Variants in ASPH observed in about 807,000 individuals in gnomAD.
ASPH encodes the protein aspartyl/asparaginyl beta-hydroxylase.
ASPH carries 100 observed loss-of-function variants against 118.4 expected under a neutral mutation model. That is an observed-to-expected ratio of 0.84 (90% CI 0.72 to 1.00). The LOEUF (loss-of-function observed/expected upper bound fraction) is 1.00. ASPH is among the 50% of genes least tolerant of loss of function. The probability of loss-of-function intolerance (pLI) is 0.00; values close to 1 mark genes in which losing one functional copy is unlikely to be tolerated. For synonymous variants in ASPH, 315 were observed against 325.6 expected (o/e 0.97, Z 0.35); for missense variants, 920 against 919.5 (o/e 1.00, Z -0.01).
intron 22 of ASPH, among the ~76,000 whole-genome samples, chr8:61,521,492 G>A (rs1364973465): frequency 6.6e-6 from 1 of 152,168 alleles, no homozygotes; most frequent in Non-Finnish European, 1.5e-5. Flanking sequence ...CAGCTAACAA[G>A]CGGTGCATCC....
intron 3 of ASPH, among the ~76,000 whole-genome samples, chr8:61,679,835 G>C (rs1262115803): frequency 2.0e-5 from 3 of 149,248 alleles, no homozygotes; most frequent in Non-Finnish European, 4.5e-5. Flanking sequence ...CTCAAATATA[G>C]ATACACAATG....
At chr8:61,517,832 A>G (rs911038740) in intron 23 of ASPH, among the ~76,000 whole-genome samples, 171 bp from the exon 24 acceptor site, 2 of 152,136 alleles carry the variant, frequency 1.3e-5, no homozygotes, top group African/African-American at 4.8e-5. Flanking sequence ...AAGCACTCAC[A>G]TTTTCCACAA....
intron 22 of ASPH, among the ~76,000 whole-genome samples, chr8:61,519,353 A>T (rs1812106551): frequency 6.6e-6 from 1 of 152,156 alleles, no homozygotes; most frequent in African/African-American, 2.4e-5. Flanking sequence ...TCATCTGCAA[A>T]TTTTTTTCAG....
intron 1 of ASPH, among the ~76,000 whole-genome samples, chr8:61,704,722 T>G (rs1178071318): frequency 6.6e-6 from 1 of 152,104 alleles, no homozygotes; most frequent in Non-Finnish European, 1.5e-5. Context: ...CAAGAAAAAG[T>G]GCTTGACATC....
intron 21 of ASPH, among the ~76,000 whole-genome samples, chr8:61,545,292 C>T (rs1823421681): frequency 6.6e-6 from 1 of 152,190 alleles, no homozygotes; most frequent in African/African-American, 2.4e-5. Flanking sequence ...GCACCATCTA[C>T]AAACCAGGAA....
chr8:61,637,643 G>C (rs983513367), intron 12 of ASPH, among the ~76,000 whole-genome samples: 1 of 152,128 alleles, frequency 6.6e-6, no homozygotes, highest in Non-Finnish European at 1.5e-5. Context: ...TCACCCCTCA[G>C]GGGTGGTAAC....
At chr8:61,544,411 T>C (rs1823050580) in intron 21 of ASPH, among the ~76,000 whole-genome samples, 1 of 152,250 alleles carries the variant, frequency 6.6e-6, no homozygotes, top group African/African-American at 2.4e-5. Context: ...AGCAATTAAA[T>C]GCTTGAGGTT....
At chr8:61,679,952 A>C (rs1258159024) in intron 3 of ASPH, among the ~76,000 whole-genome samples, 3 of 149,808 alleles carry the variant, frequency 2.0e-5, no homozygotes, top group Admixed American at 1.3e-4. Context: ...TAAAAAAAAA[A>C]AAAAAACAAA....
intron 24 of ASPH, among the ~76,000 whole-genome samples, chr8:61,511,785 G>T (rs1808930843): frequency 6.6e-6 from 1 of 152,070 alleles, no homozygotes; most frequent in South Asian, 2.1e-4. Flanking sequence ...TGTATTTTTA[G>T]TAGAGACTGG....
intron 15 of ASPH, among the ~76,000 whole-genome samples, chr8:61,579,930 A>T (rs1563900922): frequency 6.7e-6 from 1 of 149,362 alleles, no homozygotes; most frequent in African/African-American, 2.4e-5. Flanking sequence ...AAAAAAAAAA[A>T]AATGGGAGAA....
At chr8:61,698,696 A>T (rs1834519223) in intron 1 of ASPH, among the ~76,000 whole-genome samples, 1 of 152,176 alleles carries the variant, frequency 6.6e-6, no homozygotes, top group Admixed American at 6.5e-5. Flanking sequence ...TCCTGAAGCT[A>T]TCTAGGGGCT....
chr8:61,502,777 T>C lies in ASPH; in HGVS notation c.*582A>G, dbSNP rs1004380994. On this transcript the variant is annotated 3_prime_UTR_variant, in exon 25 of 25. Coordinates refer to ENST00000379454, the MANE Select transcript of ASPH (RefSeq NM_004318.4). The stretch of plus-strand genomic sequence containing the variant: ...CATAGACACTGACATAATGAGCTCT[T>C]TCTTTTTTGTTAGGAAAATAAAACT... 3.3e-5 allele frequency: 5 copies of C among 152,352 alleles called. No homozygotes were observed. Among genetic ancestry groups the C allele is most frequent in the African/African-American group, 1.2e-4 (5 of 41,586 alleles). The allele number at this position is 152,352 out of a possible 1,614,324, so 9.4% of individuals were successfully genotyped here.
At position 61,517,574 on chromosome 8, in the gene ASPH, C is replaced by T. The variant is rs897145443; in HGVS notation, c.2080G>A (p.Val694Met). 22 of 1,614,044 alleles carry T rather than the reference C, an allele frequency of 1.4e-5. No individual in the cohort carries two copies. The highest frequency in any genetic ancestry group is 1.8e-5 in the Non-Finnish European group (21 of 1,180,004). ...NCRLRMHLGL[V>M]IPKEGCKIRC... is the part of the protein sequence containing the mutation. ...ATCTTGCAGCCTTCCTTGGGAATCACCAAGCCCAGGTGCATTCGGAGCCTG... is the reference window on the plus strand; with the variant it reads ...ATCTTGCAGCCTTCCTTGGGAATCATCAAGCCCAGGTGCATTCGGAGCCTG... The change falls in exon 24 of 25, where the codon GTG becomes ATG. Residue 694 changes from valine (V) to methionine (M), a missense_variant. Transcript: ENST00000379454.
At chr8:61,579,028 T>C (rs1436898378) in intron 15 of ASPH, 11 of 1,610,730 alleles carry the variant, frequency 6.8e-6, no homozygotes, top group African/African-American at 2.7e-5. Flanking sequence ...TACGAGGATA[T>C]TGCCAACCAA....
intron 24 of ASPH, among the ~76,000 whole-genome samples, chr8:61,506,319 C>A (rs535664206): frequency 1.3e-5 from 2 of 152,002 alleles, no homozygotes; most frequent in Admixed American, 6.6e-5. Flanking sequence ...TGCCAGTGGC[C>A]GGTGGGAGGA....
chr8:61,709,425 T>G (rs1432595721), intron 1 of ASPH, among the ~76,000 whole-genome samples: 3 of 152,166 alleles, frequency 2.0e-5, no homozygotes, highest in African/African-American at 7.2e-5. Flanking sequence ...TCCTTAGTCC[T>G]CTAATAAAAA....
At chr8:61,547,393 A>C (rs1041765125) in intron 21 of ASPH, among the ~76,000 whole-genome samples, 2 of 152,232 alleles carry the variant, frequency 1.3e-5, no homozygotes, top group Non-Finnish European at 2.9e-5. Flanking sequence ...AGTGTGTTTC[A>C]AGGACATCTG....
intron 20 of ASPH, among the ~76,000 whole-genome samples, chr8:61,549,593 G>T (rs1487608150): frequency 6.6e-6 from 1 of 152,026 alleles, no homozygotes; most frequent in Non-Finnish European, 1.5e-5. Flanking sequence ...TTAAAAACTA[G>T]AAAGTTAAAA....
intron 3 of ASPH, among the ~76,000 whole-genome samples, chr8:61,673,608 T>C (rs571260732): frequency 2.6e-5 from 4 of 152,218 alleles, no homozygotes; most frequent in Non-Finnish European, 5.9e-5. Flanking sequence ...GATATGATTT[T>C]GCCTTAATTT....
Sources: allele counts gnomAD v4.1 joint callset (sites outside exome capture counted in the v4.1 genomes callset), GRCh38; gene constraint gnomAD v4.1.1; transcripts MANE v1.5; gene names NCBI Gene and HGNC (gene_info 2026-07-23, HGNC 2026-07-21).